Variants in FHL2 observed in about 807,000 individuals in gnomAD.
FHL2 encodes four and a half LIM domains protein 2.
Under a neutral mutation model 32.7 loss-of-function variants are expected in FHL2, and 20 were observed. The ratio of observed to expected loss-of-function variants is 0.61; its 90% CI spans 0.43 to 0.89. FHL2 has a LOEUF of 0.89. Among genes scored for constraint, FHL2 ranks in the 40% least tolerant of loss-of-function variants. The pLI is 0.00. For synonymous variants in FHL2, 123 were observed against 128.1 expected (o/e 0.96, Z 0.27); for missense variants, 311 against 358.6 (o/e 0.87, Z 1.07).
Position 105,397,831 on chromosome 2 carries a change from T to C in FHL2, c.-76+1011A>G, listed in dbSNP as rs112157569. Reference sequence around the variant, plus strand: ...TTTTATTAAAGTTTAATTGATAGACTAGGAATTCCTGTACTTCTAAGACTT... The same window carrying C: ...TTTTATTAAAGTTTAATTGATAGACCAGGAATTCCTGTACTTCTAAGACTT... On this transcript the variant is annotated intron_variant, in intron 1 of 6. Coordinates refer to ENST00000530340, the MANE Select transcript of FHL2 (RefSeq NM_001318895.3). Among the ~76,000 whole-genome samples the C allele has an allele frequency of 4.5e-3, 690 of 152,302 alleles. 3 individuals carry two copies. The highest frequency in any genetic ancestry group is 0.016 in the African/African-American group (659 of 41,544).
At chr2:105,399,644 C>T (rs1241006933), upstream of FHL2, 8 of 1,493,594 alleles carry the variant, frequency 5.4e-6, no homozygotes, top group Non-Finnish European at 6.2e-6. Flanking sequence ...CTTGGATTCC[C>T]CTCCAGGGCG....
chr2:105,407,735 T>G (rs1558724125), intron 1 of FHL2, among the ~76,000 whole-genome samples: 1 of 152,164 alleles, frequency 6.6e-6, no homozygotes, highest in East Asian at 1.9e-4. Context: ...ATGGTGCTTC[T>G]CTCTCAGAGT....
intron 1 of FHL2, among the ~76,000 whole-genome samples, chr2:105,428,622 C>T (rs1362385269): frequency 6.6e-6 from 1 of 152,228 alleles, no homozygotes; most frequent in African/African-American, 2.4e-5. Flanking sequence ...CCCTTGGCTT[C>T]GTGTGGGTCA....
At chr2:105,396,251 G>A (rs1437258851) in intron 2 of FHL2, among the ~76,000 whole-genome samples, 1 of 152,188 alleles carries the variant, frequency 6.6e-6, no homozygotes, top group Non-Finnish European at 1.5e-5. Flanking sequence ...AGACCCAGGA[G>A]AGCCGATGGT....
At chr2:105,390,999 ATT>A (rs36061265) in intron 2 of FHL2, among the ~76,000 whole-genome samples, 6 of 141,210 alleles carry the variant, frequency 4.2e-5, no homozygotes, top group Middle Eastern at 3.7e-3. Context: ...GTGTATGTGT[ATT>A]TTTTTTTTTT....
chr2:105,417,676 T>C lies in FHL2; in HGVS notation c.-25+20723A>G, dbSNP rs1250190055. Among the ~76,000 whole-genome samples, 7 of 81,912 alleles carry C rather than the reference T, an allele frequency of 8.5e-5. 1 individual carries two copies. In the Admixed American group the frequency reaches 1.4e-3, roughly 17 times the overall value. The allele number at this position is 81,912 out of a possible 152,430, so 53.7% of individuals were successfully genotyped here. The stretch of plus-strand genomic sequence containing the variant: ...TCCAGCCTGGGCAATACAGCGAGAC[T>C]CCATCTCCAAAAAAAAAAAAAAAAA... On this transcript the variant is annotated intron_variant, in intron 1 of 5. Transcript: ENST00000393352.
At chr2:105,393,575 C>T (rs1196836833) in intron 2 of FHL2, among the ~76,000 whole-genome samples, 1 of 152,154 alleles carries the variant, frequency 6.6e-6, no homozygotes, top group Admixed American at 6.5e-5. Context: ...CACTACCTGT[C>T]GCTGAGACCT....
intron 1 of FHL2, chr2:105,438,310 C>A (rs557990044): frequency 9.4e-6 from 9 of 959,706 alleles, no homozygotes; most frequent in Non-Finnish European, 1.1e-5. Context: ...CCTCTGCATG[C>A]AACAAGATGC....
chr2:105,420,271 G>T (rs912216932), intron 1 of FHL2, among the ~76,000 whole-genome samples: 4 of 152,080 alleles, frequency 2.6e-5, no homozygotes, highest in African/African-American at 9.7e-5. Flanking sequence ...GGCATCCCTT[G>T]GCTTGTAGAC....
In FHL2 at chr2:105,369,707, C is replaced by T. The variant is rs756634807; in HGVS notation, c.332-1968G>A. On this transcript the variant is annotated intron_variant, in intron 4 of 6. Transcript: ENST00000530340. Reference sequence around the variant, plus strand: ...CTTCAACCTCCATGCATACTTTTGTCACTTGCTCTTTGGATCTCTGACATT... The same window carrying T: ...CTTCAACCTCCATGCATACTTTTGTTACTTGCTCTTTGGATCTCTGACATT... 1.8e-4 allele frequency among the ~76,000 whole-genome samples: 27 copies of T among 152,220 alleles called. 1 individual carries two copies. The highest frequency in any genetic ancestry group is 5.9e-5 in the Non-Finnish European group (4 of 68,042).
intron 3 of FHL2, among the ~76,000 whole-genome samples, chr2:105,383,482 CTA>C (rs1316594703): frequency 6.6e-6 from 1 of 152,174 alleles, no homozygotes; most frequent in Non-Finnish European, 1.5e-5. Flanking sequence ...GATGTTCAAA[CTA>C]TATAACAGGC....
intron 6 of FHL2, among the ~76,000 whole-genome samples, chr2:105,361,677 C>T (rs1680273597): frequency 6.6e-6 from 1 of 152,122 alleles, no homozygotes; most frequent in Non-Finnish European, 1.5e-5. Context: ...TAAGTGCGAT[C>T]AAAGAATGCT....
At chr2:105,395,883 A>G (rs963266747) in intron 2 of FHL2, among the ~76,000 whole-genome samples, 16 of 152,194 alleles carry the variant, frequency 1.1e-4, no homozygotes, top group Admixed American at 1.0e-3. Flanking sequence ...AAGGCTGAGG[A>G]TGAGTGTGAA....
chr2:105,402,856 T>C (rs1243072111), upstream of FHL2, among the ~76,000 whole-genome samples: 1 of 152,238 alleles, frequency 6.6e-6, no homozygotes, highest in Admixed American at 6.5e-5. Flanking sequence ...GCTTAATAAA[T>C]ATGTGTATTG....
chr2:105,399,090 G>T (rs564839248), upstream of FHL2: 2 of 1,485,430 alleles, frequency 1.3e-6, no homozygotes, highest in Admixed American at 2.4e-5. Flanking sequence ...AAACCCCGCC[G>T]TGTCATTTGA....
chr2:105,418,090 AT>A (rs1333876908), intron 1 of FHL2, among the ~76,000 whole-genome samples: 1 of 152,190 alleles, frequency 6.6e-6, no homozygotes. Context: ...AAGTCATTAT[AT>A]TTTGTAATAG....
intron 1 of FHL2, among the ~76,000 whole-genome samples, chr2:105,416,983 C>T (rs1034470394): frequency 3.3e-5 from 5 of 152,212 alleles, no homozygotes; most frequent in East Asian, 1.9e-4. Flanking sequence ...GTTGAACTCA[C>T]GACTTGGGCC....
Position 105,390,225 on chromosome 2 carries a change from C to T in FHL2, c.-24-3685G>A, listed in dbSNP as rs571699168. The T allele has an allele frequency of 4.8e-4, 73 of 153,576 alleles. No homozygotes were observed. In the South Asian group the frequency reaches 9.0e-3, roughly 19 times the overall value. 9.5% of individuals were successfully genotyped at this position (153,576 alleles called of 1,614,324 possible). Reference sequence around the variant, plus strand: ...CAGCCTGGGCGACAAAGCGAGACTCCGTCTAAAAAAATAAAAAAATAAATC... The same window carrying T: ...CAGCCTGGGCGACAAAGCGAGACTCTGTCTAAAAAAATAAAAAAATAAATC... On this transcript the variant is annotated intron_variant, in intron 2 of 6. Coordinates refer to ENST00000530340, the MANE Select transcript of FHL2 (RefSeq NM_001318895.3).
rs1471139564 is a variant in FHL2 at position 105,387,260 on chromosome 2, A to T, written c.-24-720T>A. On this transcript the variant is annotated intron_variant, in intron 2 of 6. Transcript: ENST00000530340. The stretch of plus-strand genomic sequence containing the variant: ...ATAATACGTCCATTTCTATAAAAAG[A>T]TTTTCCGTGAGCTCCTCTTTATGAT... Among the ~76,000 whole-genome samples, 3 of 152,110 alleles carry T rather than the reference A, an allele frequency of 2.0e-5. No homozygotes were observed. The East Asian group carries it at 5.8e-4, about 29-fold the overall frequency.
Sources: gnomAD v4.1 joint callset for allele counts (sites outside exome capture counted in the v4.1 genomes callset) on GRCh38, gnomAD v4.1.1 for gene constraint, MANE v1.5 for transcripts, NCBI Gene and HGNC (gene_info 2026-07-23, HGNC 2026-07-21) for gene names.